Variants in PIAS4 observed in about 807,000 individuals in gnomAD.
PIAS4 encodes the protein protein inhibitor of activated STAT 4, also known as E3 SUMO-protein ligase PIAS4.
PIAS4 carries 7 observed loss-of-function variants against 58.0 expected under a neutral mutation model. That is an observed-to-expected ratio of 0.12 (90% confidence interval 0.07 to 0.23). PIAS4 has a LOEUF of 0.23. Ranked by LOEUF, PIAS4 falls within the 10% of genes least tolerant of loss-of-function variation. The probability of loss-of-function intolerance (pLI) is 1.00; values close to 1 mark genes in which losing one functional copy is unlikely to be tolerated. For synonymous variants in PIAS4, 364 were observed against 312.4 expected, an observed-to-expected ratio of 1.17 and a Z score of -1.74; for missense variants, 550 against 709.5, an observed-to-expected ratio of 0.78 and a Z score of 2.55.
At position 4,037,554 on chromosome 19, in the gene PIAS4, A is replaced by T. The variant is rs368558617; in HGVS notation, c.1273+50A>T. ...CGCAGTCCGCAGCCAGGGCCGCCTC[A>T]GTTTCCCCATTTATCAGTGGTTGCA... On this transcript the variant is annotated intron_variant, in intron 10 of 10. Coordinates refer to ENST00000262971, the MANE Select transcript of PIAS4 (RefSeq NM_015897.4). This position sits in a 1 kb window ranked among gnomAD's most constrained non-coding sequence, Gnocchi z 5.8. The T allele has an allele frequency of 3.7e-4, 593 of 1,607,520 alleles. No individual in the cohort carries two copies. The highest frequency in any genetic ancestry group is 4.6e-4 in the Non-Finnish European group (544 of 1,179,738).
At chr19:4,030,169 C>T (rs1157619297) in intron 7 of PIAS4, among the ~76,000 whole-genome samples, 3 of 150,444 alleles carry the variant, frequency 2.0e-5, no homozygotes, top group Non-Finnish European at 4.4e-5. Flanking sequence ...TGCTGTGTTG[C>T]CCAGGCTGGT....
rs771151053 is a variant in PIAS4 at position 4,028,156 on chromosome 19, C to G, written c.550C>G (p.Pro184Ala). Reference protein sequence around the residue: ...ELIRNSRELQPGVKAVQVVLR... With the variant: ...ELIRNSRELQAGVKAVQVVLR... ...GCTCCACACCCACAGGGAACTGCAG[C>G]CCGGAGTTAAAGCCGTGCAGGTCGT... The change falls in exon 4 of 11, where the codon CCC becomes GCC. Residue 184 changes from proline to alanine, a missense_variant. This residue lies in a region of PIAS4 where 225 missense variants were observed against 345.8 expected (regional missense o/e 0.65). Coordinates refer to ENST00000262971, the MANE Select transcript of PIAS4 (RefSeq NM_015897.4). 1 of 1,613,494 alleles carries G rather than the reference C, an allele frequency of 6.2e-7. No homozygotes were observed. The highest frequency in any genetic ancestry group is 1.1e-5 in the South Asian group (1 of 91,082).
At position 4,013,897 on chromosome 19, in the gene PIAS4, G is replaced by A. The variant is rs547497770; in HGVS notation, c.454+548G>A. ...CTTTTTATAACCCAACCTCGGACAC[G>A]CCTCGCCATCTCCCCCACAGAGTCC... On this transcript the variant is annotated intron_variant, in intron 2 of 10. Transcript: ENST00000262971. This position sits in a 1 kb window ranked among gnomAD's most constrained non-coding sequence, Gnocchi z 5.1. Among the ~76,000 whole-genome samples, 14 of 152,184 alleles carry A rather than the reference G, an allele frequency of 9.2e-5. No homozygotes were observed. Among genetic ancestry groups the A allele is most frequent in the African/African-American group, 3.1e-4 (13 of 41,530 alleles).
At chr19:4,014,630 C>T (rs945176572) in intron 2 of PIAS4, among the ~76,000 whole-genome samples, 2 of 152,212 alleles carry the variant, frequency 1.3e-5, no homozygotes, top group African/African-American at 4.8e-5. Flanking sequence ...GGGCACCAGG[C>T]GTGGGCACGC....
chr19:4,020,508 C>A (rs1409070147), intron 2 of PIAS4, among the ~76,000 whole-genome samples: 1 of 152,256 alleles, frequency 6.6e-6, no homozygotes, highest in Non-Finnish European at 1.5e-5. Context: ...CCCCCACGCT[C>A]TTCCGATATT....
In PIAS4 at chr19:4,020,339, C is replaced by T. The variant is rs567582079; in HGVS notation, c.455-3697C>T. On this transcript the variant is annotated intron_variant, in intron 2 of 10. Coordinates refer to ENST00000262971, the MANE Select transcript of PIAS4 (RefSeq NM_015897.4). ...GCCACACCACTGTGTGCACTGCCGT[C>T]CTGGGAGCACCTGGGAGCACAGACA... Among the ~76,000 whole-genome samples, 4 of 152,276 alleles carry T rather than the reference C, an allele frequency of 2.6e-5. No individual in the cohort carries two copies. In the South Asian group the frequency reaches 8.3e-4, roughly 32 times the overall value.
intron 7 of PIAS4, among the ~76,000 whole-genome samples, chr19:4,029,424 G>A (rs960380638): frequency 2.0e-5 from 3 of 152,218 alleles, no homozygotes; most frequent in Admixed American, 6.5e-5. Context: ...CAGCGGGGCC[G>A]AGGGTGCTGC....
rs1490725114 is a variant in PIAS4, at chr19:4,036,296, ACAC to A, written c.1143-1077_1143-1075del. ...ATATGGTCTACACCGTCACACACAC[ACAC>A]ATCTATACAGTCCACACCTGTTACA... On this transcript the variant is annotated intron_variant, in intron 9 of 10. Coordinates refer to ENST00000262971, the MANE Select transcript of PIAS4 (RefSeq NM_015897.4). Among the ~76,000 whole-genome samples, 47 of 120,174 alleles carry A rather than the reference ACAC, an allele frequency of 3.9e-4. 6 individuals are homozygous for A. The South Asian group carries it at 5.9e-3, about 15-fold the overall frequency. 78.8% of individuals were successfully genotyped at this position (120,174 alleles called of 152,430 possible).
At chr19:4,030,920 A>AGGC (rs2040216960) in intron 7 of PIAS4, among the ~76,000 whole-genome samples, 1 of 152,086 alleles carries the variant, frequency 6.6e-6, no homozygotes, top group South Asian at 2.1e-4. Context: ...AGTGGGAGTC[A>AGGC]GGCAGGTGGG....
intron 1 of PIAS4, among the ~76,000 whole-genome samples, chr19:4,008,668 T>C (rs1422330114): frequency 6.6e-6 from 1 of 152,172 alleles, no homozygotes; most frequent in Non-Finnish European, 1.5e-5. Context: ...CTGATTCTGC[T>C]TCAGGGGGCT....
intron 2 of PIAS4, among the ~76,000 whole-genome samples, chr19:4,016,993 A>T (rs1022827887): frequency 2.0e-5 from 3 of 152,128 alleles, no homozygotes; most frequent in Non-Finnish European, 4.4e-5. Context: ...GCAGGAGGCA[A>T]GTGGCCGTCT....
chr19:4,033,316 A>G, intron 8 of PIAS4, 104 bp from the exon 9 acceptor site: 7 of 1,325,102 alleles, frequency 5.3e-6, no homozygotes, highest in South Asian at 1.3e-5. Context: ...TTCCTGAGGC[A>G]TGAGTGATTG....
chr19:4,019,865 G>C (rs62131491), intron 2 of PIAS4, among the ~76,000 whole-genome samples: 15,317 of 152,106 alleles, frequency 0.1, 860 homozygotes, highest in South Asian at 0.18. Context: ...CGTGCAGGCT[G>C]AGGCCACAGA....
chr19:4,015,716 C>T (rs2040045732), intron 2 of PIAS4, among the ~76,000 whole-genome samples: 1 of 152,208 alleles, frequency 6.6e-6, no homozygotes, highest in Non-Finnish European at 1.5e-5. Context: ...CCGGGGGCCG[C>T]CTCCGGAGGA....
intron 2 of PIAS4, among the ~76,000 whole-genome samples, chr19:4,023,619 C>T (rs1419098576): frequency 2.0e-5 from 3 of 152,296 alleles, no homozygotes; most frequent in East Asian, 1.9e-4. Context: ...GTCCGGGTGA[C>T]GTGGCCACCC....
At chr19:4,033,677 G>C (rs1397424262) in intron 9 of PIAS4, 97 bp downstream of exon 9, 1 of 1,047,066 alleles carries the variant, frequency 9.6e-7, no homozygotes, top group Non-Finnish European at 1.4e-6. Context: ...GCCCCAGCAA[G>C]ACACAGCAGT....
chr19:4,028,228 AGCC>A, intron 4 of PIAS4, 41 bp downstream of exon 4: 1 of 790,268 alleles, frequency 1.3e-6, no homozygotes, highest in Non-Finnish European at 1.7e-6. Flanking sequence ...CTGGACCCCC[AGCC>A]ACCCGCCCCT....
intron 7 of PIAS4, 109 bp from the exon 8 acceptor site, chr19:4,032,979 GGACTCATCGTCA>G (rs2040236378): frequency 6.5e-6 from 5 of 771,886 alleles, no homozygotes; most frequent in Non-Finnish European, 8.7e-6. Context: ...GCGAAGCTTG[GGACTCATCGTCA>G]GGGGCCTGTT....
At chr19:4,014,802 G>C (rs984392835) in intron 2 of PIAS4, among the ~76,000 whole-genome samples, 1 of 152,250 alleles carries the variant, frequency 6.6e-6, no homozygotes, top group African/African-American at 2.4e-5. Context: ...CCCTGCCCAG[G>C]GAGGCAGCGT....
Sources: allele counts gnomAD v4.1 joint callset (sites outside exome capture counted in the v4.1 genomes callset), GRCh38; gene constraint gnomAD v4.1.1; regional missense constraint gnomAD v4.1.1; non-coding constraint Gnocchi (gnomAD v3.1); transcripts MANE v1.5; gene names NCBI Gene and HGNC (gene_info 2026-07-23, HGNC 2026-07-21).